The following GPC5 variants were observed in gnomAD, a reference collection of about 807,000 sequenced individuals.
GPC5 encodes the protein glypican-5.
A neutral mutation model predicts 53.9 loss-of-function variants in GPC5; 47 were observed. That is an observed-to-expected ratio of 0.87 (90% CI 0.69 to 1.11). The LOEUF (loss-of-function observed/expected upper bound fraction) is 1.11. Ranked by LOEUF, GPC5 falls within the 50% of genes most tolerant of loss-of-function variation. The probability of loss-of-function intolerance (pLI) is 0.00; values close to 1 mark genes in which losing one functional copy is unlikely to be tolerated. For synonymous variants in GPC5, 286 were observed against 263.3 expected (o/e 1.09, Z -0.84); for missense variants, 748 against 713.1 (o/e 1.05, Z -0.56).
intron 7 of GPC5, among the ~76,000 whole-genome samples, chr13:92,350,014 C>A (rs1241920951): frequency 6.6e-6 from 1 of 152,164 alleles, no homozygotes; most frequent in Non-Finnish European, 1.5e-5. Context: ...AATTTATCAA[C>A]ACATTAAAGG....
chr13:92,542,419 A>G (rs1355701051), intron 7 of GPC5, among the ~76,000 whole-genome samples: 1 of 152,028 alleles, frequency 6.6e-6, no homozygotes, highest in African/African-American at 2.4e-5. Context: ...CAGCTTCTAC[A>G]TATGAGTGAT....
chr13:91,534,481 G>C (rs1361786448), intron 2 of GPC5, among the ~76,000 whole-genome samples: 2 of 152,184 alleles, frequency 1.3e-5, no homozygotes, highest in East Asian at 3.9e-4. Flanking sequence ...GAGTTTGTCA[G>C]ATATTGGCTG....
intron 7 of GPC5, among the ~76,000 whole-genome samples, chr13:92,261,916 C>G (rs1349647030): frequency 6.6e-6 from 1 of 152,084 alleles, no homozygotes; most frequent in Non-Finnish European, 1.5e-5. Context: ...TAAATGTCGG[C>G]ATCTCTACCT....
intron 7 of GPC5, among the ~76,000 whole-genome samples, chr13:92,227,385 C>T (rs987271760): frequency 6.6e-6 from 1 of 152,164 alleles, no homozygotes; most frequent in African/African-American, 2.4e-5. Context: ...AAGAATAGTT[C>T]TCCAGAAAGT....
chr13:91,698,482 A>T (rs1437161712), intron 3 of GPC5, among the ~76,000 whole-genome samples: 1 of 152,186 alleles, frequency 6.6e-6, no homozygotes, highest in East Asian at 1.9e-4. Flanking sequence ...CTATACCTTC[A>T]ATAAAAGAAA....
intron 7 of GPC5, among the ~76,000 whole-genome samples, chr13:92,850,210 G>A (rs892229908): frequency 2.0e-5 from 3 of 152,268 alleles, no homozygotes; most frequent in Middle Eastern, 3.4e-3. Context: ...CAGATGATAC[G>A]TGGTGCCTAA....
chr13:91,697,487 G>A lies in GPC5; in HGVS notation c.1020+3606G>A, dbSNP rs2035904114. Among the ~76,000 whole-genome samples, 2 of 151,962 alleles carry A rather than the reference G, an allele frequency of 1.3e-5. 1 individual carries two copies. The highest frequency in any genetic ancestry group is 1.3e-4 in the Admixed American group (2 of 15,260). On this transcript the variant is annotated intron_variant, in intron 3 of 7. Transcript: ENST00000377067. ...CCCAAAGTAAACATTTATTTCTTAG[G>A]GGTGTAGAGCTCAAAAAATATTTTA...
chr13:91,576,482 A>G (rs2032141715), intron 2 of GPC5, among the ~76,000 whole-genome samples: 1 of 152,216 alleles, frequency 6.6e-6, no homozygotes, highest in African/African-American at 2.4e-5. Context: ...GTATATTGGG[A>G]AAAATATACA....
chr13:92,730,794 T>C (rs2139298809), intron 7 of GPC5, among the ~76,000 whole-genome samples: 1 of 151,520 alleles, frequency 6.6e-6, no homozygotes, highest in Middle Eastern at 3.4e-3. Flanking sequence ...AAGTAGGTTA[T>C]CTCAAGATAT....
At chr13:91,669,910 A>G (rs530558027) in intron 2 of GPC5, among the ~76,000 whole-genome samples, 1 of 152,312 alleles carries the variant, frequency 6.6e-6, no homozygotes, top group South Asian at 2.1e-4. Context: ...ACATTGCTTG[A>G]ATATCTAAAT....
intron 7 of GPC5, among the ~76,000 whole-genome samples, chr13:92,470,267 C>T (rs1277175148): frequency 2.0e-5 from 3 of 152,028 alleles, no homozygotes; most frequent in Non-Finnish European, 4.4e-5. Context: ...TTATTATTTG[C>T]TCTGCAATAG....
At chr13:92,374,395 G>A (rs2043675568) in intron 7 of GPC5, among the ~76,000 whole-genome samples, 2 of 152,024 alleles carry the variant, frequency 1.3e-5, no homozygotes, top group South Asian at 4.1e-4. Flanking sequence ...CAAAGTGACT[G>A]ATTTCAGACT....
chr13:92,623,255 G>T (rs1321911913), intron 7 of GPC5, among the ~76,000 whole-genome samples: 1 of 152,144 alleles, frequency 6.6e-6, no homozygotes, highest in African/African-American at 2.4e-5. Flanking sequence ...ACTCAATGTT[G>T]TCAGTAAAAG....
At chr13:91,820,324 G>A (rs757832078) in intron 5 of GPC5, among the ~76,000 whole-genome samples, 4 of 152,072 alleles carry the variant, frequency 2.6e-5, no homozygotes, top group Non-Finnish European at 5.9e-5. Context: ...ATAAAAATAT[G>A]TTGTTAATAA....
intron 2 of GPC5, among the ~76,000 whole-genome samples, chr13:91,644,794 A>G (rs559090360): frequency 1.2e-4 from 19 of 152,334 alleles, no homozygotes; most frequent in African/African-American, 4.1e-4. Flanking sequence ...TTTAAATACC[A>G]TTTATTTTGT....
intron 7 of GPC5, among the ~76,000 whole-genome samples, chr13:92,246,953 T>G (rs2042655632): frequency 6.6e-6 from 1 of 152,128 alleles, no homozygotes; most frequent in Admixed American, 6.6e-5. Flanking sequence ...GGTATTCTTG[T>G]GTAGTAGAAA....
chr13:92,296,878 C>T (rs890415251), intron 7 of GPC5, among the ~76,000 whole-genome samples: 11 of 152,312 alleles, frequency 7.2e-5, no homozygotes, highest in African/African-American at 1.4e-4. Flanking sequence ...CTCGATTTCT[C>T]GCCGGGCCTT....
At chr13:91,710,492 A>C (rs2036201550) in intron 3 of GPC5, among the ~76,000 whole-genome samples, 1 of 152,262 alleles carries the variant, frequency 6.6e-6, no homozygotes, top group Non-Finnish European at 1.5e-5. Context: ...ATTGGAAATA[A>C]GGGCAAGAGA....
intron 7 of GPC5, among the ~76,000 whole-genome samples, chr13:92,226,829 ATC>A (rs35473021): frequency 0.23 from 35,200 of 151,536 alleles, 4,292 homozygotes; most frequent in African/African-American, 0.31. Flanking sequence ...CAAACTTGTG[ATC>A]TCAGGCGATC....
Sources: allele counts gnomAD v4.1 joint callset (sites outside exome capture counted in the v4.1 genomes callset), GRCh38; gene constraint gnomAD v4.1.1; transcripts MANE v1.5; gene names NCBI Gene and HGNC (gene_info 2026-07-23, HGNC 2026-07-21).